Variants in VPS13B observed in about 807,000 individuals in gnomAD.
VPS13B encodes the protein vacuolar protein sorting 13 homolog B, also known as intermembrane lipid transfer protein VPS13B.
VPS13B carries 285 observed loss-of-function variants against 426.4 expected under a neutral mutation model. The observed-to-expected ratio is 0.67, with a 90% confidence interval of 0.61 to 0.74. The LOEUF is 0.74. VPS13B is among the 30% of genes least tolerant of loss of function. The probability of loss-of-function intolerance (pLI) is 0.00; values close to 1 mark genes in which losing one functional copy is unlikely to be tolerated. For missense variants in VPS13B, 4,537 were observed against 4,782.6 expected (o/e 0.95, Z 1.51); for synonymous variants, 1,676 against 1,676.4 (o/e 1.00, Z 0.01).
At chr8:99,064,252 T>C (rs1200047427) in intron 3 of VPS13B, among the ~76,000 whole-genome samples, 3 of 152,130 alleles carry the variant, frequency 2.0e-5, no homozygotes, top group African/African-American at 7.2e-5. Flanking sequence ...GGATGGGGAA[T>C]GACTTTGAGG....
At chr8:99,269,707 T>G (rs1818478754) in intron 17 of VPS13B, among the ~76,000 whole-genome samples, 1 of 152,186 alleles carries the variant, frequency 6.6e-6, no homozygotes, top group Non-Finnish European at 1.5e-5. Context: ...TTTTCACAGT[T>G]TCTGAGAGAA....
chr8:99,799,900 T>G (rs1331597318), intron 43 of VPS13B, among the ~76,000 whole-genome samples: 32 of 152,210 alleles, frequency 2.1e-4, no homozygotes. Flanking sequence ...GAATATTTAT[T>G]CAAATCCGAA....
At chr8:99,491,338 C>T (rs1820592591) in intron 25 of VPS13B, among the ~76,000 whole-genome samples, 1 of 152,086 alleles carries the variant, frequency 6.6e-6, no homozygotes, top group Non-Finnish European at 1.5e-5. Context: ...AATTACGTGT[C>T]TTGGGGTTGT....
At chr8:99,013,485 G>T in intron 1 of VPS13B, 138 bp downstream of exon 1, 2 of 403,400 alleles carry the variant, frequency 5.0e-6, no homozygotes, top group Non-Finnish European at 4.7e-6. Flanking sequence ...GGGCTACTGC[G>T]GCCGAAGGGG....
intron 48 of VPS13B, 139 bp from the exon 49 acceptor site, chr8:99,819,782 T>C: frequency 7.8e-7 from 1 of 1,290,224 alleles, no homozygotes; most frequent in Non-Finnish European, 1.1e-6. Flanking sequence ...TTCTCCTGCA[T>C]GCAAATTTAG....
chr8:99,106,583 A>G (rs1045691671), intron 5 of VPS13B, among the ~76,000 whole-genome samples: 2 of 152,278 alleles, frequency 1.3e-5, no homozygotes, highest in South Asian at 2.1e-4. Context: ...CTTGTTGTAC[A>G]TATACTCACT....
At chr8:99,352,218 A>G (rs1811930400) in intron 19 of VPS13B, among the ~76,000 whole-genome samples, 1 of 152,026 alleles carries the variant, frequency 6.6e-6, no homozygotes, top group Non-Finnish European at 1.5e-5. Flanking sequence ...TATACCAGTA[A>G]TAGGCAGTCC....
chr8:99,735,979 G>T (rs186089137), intron 39 of VPS13B, among the ~76,000 whole-genome samples: 1 of 152,160 alleles, frequency 6.6e-6, no homozygotes, highest in Non-Finnish European at 1.5e-5. Flanking sequence ...CGCTTGGGTC[G>T]CAGTGGGCTT....
intron 17 of VPS13B, among the ~76,000 whole-genome samples, chr8:99,218,956 C>T (rs1815533217): frequency 6.6e-6 from 1 of 152,142 alleles, no homozygotes; most frequent in Non-Finnish European, 1.5e-5. Context: ...ATCCAGGCAG[C>T]AATTGTGACA....
At chr8:99,604,403 C>G (rs1290043074) in intron 33 of VPS13B, among the ~76,000 whole-genome samples, 1 of 151,390 alleles carries the variant, frequency 6.6e-6, no homozygotes, top group Non-Finnish European at 1.5e-5. Context: ...CATCCTTTTT[C>G]TGTTCCAGGA....
chr8:99,250,135 AT>A (rs1817427749), intron 17 of VPS13B, among the ~76,000 whole-genome samples: 1 of 152,128 alleles, frequency 6.6e-6, no homozygotes, highest in Non-Finnish European at 1.5e-5. Context: ...GATGTTGAAT[AT>A]TTTTTAATAT....
chr8:99,162,935 C>G (rs1389177161), intron 15 of VPS13B, among the ~76,000 whole-genome samples: 1 of 152,170 alleles, frequency 6.6e-6, no homozygotes, highest in Non-Finnish European at 1.5e-5. Context: ...CTGATTGGTG[C>G]GTTTACAATC....
intron 39 of VPS13B, among the ~76,000 whole-genome samples, chr8:99,732,755 A>G (rs1833658951): frequency 1.3e-5 from 2 of 152,264 alleles, no homozygotes; most frequent in Admixed American, 6.5e-5. Flanking sequence ...GATAACACTT[A>G]AGAAGCAAAT....
chr8:99,712,774 A>T (rs1159230521), intron 36 of VPS13B, among the ~76,000 whole-genome samples: 1 of 152,078 alleles, frequency 6.6e-6, no homozygotes, highest in Non-Finnish European at 1.5e-5. Context: ...AAAAAAAAAA[A>T]AATAGGATTT....
chr8:99,560,158 T>G (rs1323893909), intron 31 of VPS13B, among the ~76,000 whole-genome samples: 1 of 152,192 alleles, frequency 6.6e-6, no homozygotes, highest in African/African-American at 2.4e-5. Flanking sequence ...TATTTTATTC[T>G]CTTTGAAGCA....
At chr8:99,872,380 G>A (rs1422324611) in intron 61 of VPS13B, among the ~76,000 whole-genome samples, 2 of 152,186 alleles carry the variant, frequency 1.3e-5, no homozygotes, top group African/African-American at 4.8e-5. Context: ...CACCCCCTGA[G>A]TACCACAGAA....
intron 14 of VPS13B, among the ~76,000 whole-genome samples, chr8:99,150,407 C>A (rs895215824): frequency 5.9e-5 from 9 of 152,128 alleles, no homozygotes; most frequent in Admixed American, 5.2e-4. Flanking sequence ...CACCCAAAGT[C>A]CACAGTTTAC....
rs549976900 is a variant in VPS13B, at chr8:99,740,029, A to G, written c.7050+18982A>G. Among the ~76,000 whole-genome samples the G allele has an allele frequency of 5.3e-5, 8 of 152,282 alleles. No homozygotes were observed. The East Asian group carries it at 1.5e-3, about 29-fold the overall frequency. On this transcript the variant is annotated intron_variant, in intron 39 of 61. Coordinates refer to ENST00000357162, the MANE Select transcript of VPS13B (RefSeq NM_152564.5). ...TCAGACGATCAAACTACTCCAAGCTAAAGGAGGAAGTACGAACCCATGGCA... is the reference window on the plus strand; with the variant it reads ...TCAGACGATCAAACTACTCCAAGCTGAAGGAGGAAGTACGAACCCATGGCA...
intron 33 of VPS13B, among the ~76,000 whole-genome samples, chr8:99,603,264 TC>T (rs1263609422): frequency 6.6e-6 from 1 of 152,170 alleles, no homozygotes; most frequent in Non-Finnish European, 1.5e-5. Flanking sequence ...GTGCAGCACT[TC>T]CCTCTTATCT....
Sources: gnomAD v4.1 joint callset for allele counts (sites outside exome capture counted in the v4.1 genomes callset) on GRCh38, gnomAD v4.1.1 for gene constraint, MANE v1.5 for transcripts, NCBI Gene and HGNC (gene_info 2026-07-23, HGNC 2026-07-21) for gene names.